TRHDE: variants seen among roughly 807,000 people sequenced by gnomAD.
TRHDE encodes thyrotropin-releasing hormone-degrading ectoenzyme.
Under a neutral mutation model 125.7 loss-of-function variants are expected in TRHDE, and 72 were observed. The observed-to-expected ratio is 0.57, with a 90% CI of 0.47 to 0.70. The LOEUF is 0.70. Among genes scored for constraint, TRHDE ranks in the 30% least tolerant of loss-of-function variants. TRHDE has a pLI of 0.00. For missense variants in TRHDE, 1,110 were observed against 1,327.1 expected (o/e 0.84, Z 2.54); for synonymous variants, 509 against 509.1 (o/e 1.00, Z 0.00).
At chr12:72,220,402 C>T (rs1565665729) in intron 2 of TRHDE, among the ~76,000 whole-genome samples, 3 of 152,114 alleles carry the variant, frequency 2.0e-5, no homozygotes, top group Non-Finnish European at 1.5e-5. Flanking sequence ...GAGACAGTAC[C>T]TGGCAGGCAC....
At chr12:72,392,665 T>C (rs1872652951) in intron 3 of TRHDE, among the ~76,000 whole-genome samples, 1 of 152,212 alleles carries the variant, frequency 6.6e-6, no homozygotes, top group Non-Finnish European at 1.5e-5. Context: ...CAATAACATC[T>C]TGTTTACTAA....
chr12:72,597,395 T>C (rs10161517), intron 12 of TRHDE, among the ~76,000 whole-genome samples: 61,167 of 151,662 alleles, frequency 0.4, 14,941 homozygotes, highest in African/African-American at 0.68. Context: ...GGGCCAGGCA[T>C]GGTGGCTCAT....
intron 6 of TRHDE, among the ~76,000 whole-genome samples, chr12:72,517,499 A>G (rs1878937077): frequency 1.3e-5 from 2 of 151,940 alleles, no homozygotes; most frequent in Admixed American, 6.6e-5. Flanking sequence ...TATCCCCTTT[A>G]TCATTTTTTA....
At chr12:72,639,760 C>A (rs1419467308) in intron 15 of TRHDE, among the ~76,000 whole-genome samples, 2 of 152,050 alleles carry the variant, frequency 1.3e-5, no homozygotes, top group Non-Finnish European at 2.9e-5. Context: ...AGTACCCGGC[C>A]GTGTGAGGTG....
intron 2 of TRHDE, among the ~76,000 whole-genome samples, chr12:72,109,460 T>C (rs1192703189): frequency 6.6e-6 from 1 of 152,054 alleles, no homozygotes; most frequent in Non-Finnish European, 1.5e-5. Context: ...ACTTAACTAA[T>C]ATCACATAAT....
intron 2 of TRHDE, among the ~76,000 whole-genome samples, chr12:72,169,069 C>G (rs1876815088): frequency 6.6e-6 from 1 of 152,038 alleles, no homozygotes; most frequent in Admixed American, 6.6e-5. Context: ...TTTGGGGATT[C>G]CTTGAAATAG....
intron 2 of TRHDE, among the ~76,000 whole-genome samples, chr12:72,206,033 A>G (rs892114181): frequency 1.3e-5 from 2 of 151,312 alleles, no homozygotes; most frequent in African/African-American, 4.9e-5. Flanking sequence ...CTGTTTTTTG[A>G]TGGTGGCCAT....
chr12:72,429,774 T>C (rs929189682), intron 3 of TRHDE, among the ~76,000 whole-genome samples: 5 of 152,144 alleles, frequency 3.3e-5, no homozygotes, highest in Non-Finnish European at 7.4e-5. Context: ...TGGCTAATGA[T>C]GTTGAGCATC....
Position 72,234,752 on chromosome 12 carries a change from AT to A in TRHDE, n.279+129002del, listed in dbSNP as rs1241014865. Among the ~76,000 whole-genome samples the A allele has an allele frequency of 2.0e-5, 3 of 152,180 alleles. No homozygotes were observed. In the South Asian group the frequency reaches 6.2e-4, roughly 32 times the overall value. ...TTAAAAAAAATCTACTTTGTCTTAA[AT>A]TGATCAGAGAAGGTTACCTTTTAAT... On this transcript the variant is annotated intron_variant and non_coding_transcript_variant, in intron 2 of 4. Transcript: ENST00000548156.
chr12:72,504,334 C>T (rs1565769170), intron 6 of TRHDE, among the ~76,000 whole-genome samples: 1 of 147,868 alleles, frequency 6.8e-6, no homozygotes, highest in Non-Finnish European at 1.5e-5. Flanking sequence ...GAGACAGTCT[C>T]GCTCTGTCGC....
intron 5 of TRHDE, among the ~76,000 whole-genome samples, chr12:72,474,070 A>G (rs1876776295): frequency 6.6e-6 from 1 of 152,112 alleles, no homozygotes; most frequent in Non-Finnish European, 1.5e-5. Context: ...ATATATATAC[A>G]CATACATATA....
At chr12:72,404,706 A>G (rs187431396) in intron 3 of TRHDE, among the ~76,000 whole-genome samples, 9 of 152,148 alleles carry the variant, frequency 5.9e-5, no homozygotes, top group Admixed American at 2.6e-4. Flanking sequence ...TCATGATTCA[A>G]TCACCTCCCA....
chr12:72,464,159 A>C (rs145140768), intron 3 of TRHDE, among the ~76,000 whole-genome samples: 170 of 152,322 alleles, frequency 1.1e-3, no homozygotes, highest in African/African-American at 3.8e-3. Flanking sequence ...AGATGCTTAG[A>C]TATTTTCATC....
intron 3 of TRHDE, among the ~76,000 whole-genome samples, chr12:72,440,591 C>T (rs1874960328): frequency 6.6e-6 from 1 of 151,834 alleles, no homozygotes; most frequent in African/African-American, 2.4e-5. Context: ...ATTTAATCTT[C>T]ATAACAGTCC....
intron 7 of TRHDE, among the ~76,000 whole-genome samples, chr12:72,544,449 T>C (rs1393758338): frequency 1.3e-5 from 2 of 151,734 alleles, no homozygotes; most frequent in Non-Finnish European, 3.0e-5. Flanking sequence ...TTAACCATGG[T>C]TATTTCCATG....
intron 12 of TRHDE, among the ~76,000 whole-genome samples, chr12:72,586,330 T>A (rs1349371172): frequency 6.6e-6 from 1 of 152,208 alleles, no homozygotes; most frequent in Non-Finnish European, 1.5e-5. Context: ...TTTGTTTATG[T>A]GGGAAATCGT....
At chr12:72,558,462 G>A (rs1268145261) in intron 7 of TRHDE, among the ~76,000 whole-genome samples, 1 of 152,176 alleles carries the variant, frequency 6.6e-6, no homozygotes, top group African/African-American at 2.4e-5. Context: ...GGAGCAACAA[G>A]TTAACAAATG....
chr12:72,224,739 T>C (rs1028678728), intron 2 of TRHDE, among the ~76,000 whole-genome samples: 2 of 152,180 alleles, frequency 1.3e-5, no homozygotes, highest in Non-Finnish European at 2.9e-5. Flanking sequence ...GATACAGTTT[T>C]ATACTAATGA....
intron 2 of TRHDE, among the ~76,000 whole-genome samples, chr12:72,245,672 T>TA (rs1378828586): frequency 7.4e-4 from 113 of 152,140 alleles, no homozygotes; most frequent in Non-Finnish European, 1.4e-3. Flanking sequence ...CAATTTAATT[T>TA]TCAAATTTAT....
Sources: gnomAD v4.1 joint callset for allele counts (sites outside exome capture counted in the v4.1 genomes callset) on GRCh38, gnomAD v4.1.1 for gene constraint, MANE v1.5 for transcripts, NCBI Gene and HGNC (gene_info 2026-07-23, HGNC 2026-07-21) for gene names.